Variants in IL13RA1 observed in about 807,000 individuals in gnomAD.
IL13RA1 encodes the protein interleukin 13 receptor subunit alpha 1, also known as interleukin-13 receptor subunit alpha-1.
In IL13RA1, 14 loss-of-function variants were observed where a neutral mutation model predicts 33.8. The observed-to-expected ratio is 0.41, with a 90% CI of 0.27 to 0.65. The LOEUF (loss-of-function observed/expected upper bound fraction) is 0.65. Among genes scored for constraint, IL13RA1 ranks in the 30% least tolerant of loss-of-function variants. IL13RA1 has a pLI of 0.28. For synonymous variants in IL13RA1, 116 were observed against 115.7 expected (o/e 1.00, Z -0.02); for missense variants, 313 against 327.0 (o/e 0.96, Z 0.33).
intron 10 of IL13RA1, among the ~76,000 whole-genome samples, chrX:118,781,221 C>T (rs911318713): frequency 6.3e-5 from 7 of 111,469 alleles, no homozygotes; most frequent in African/African-American, 2.3e-4. Flanking sequence ...TCTGTCCTCC[C>T]CCTGCTTCTT....
chrX:118,753,056 C>T (rs963032383), intron 4 of IL13RA1, among the ~76,000 whole-genome samples: 3 of 111,563 alleles, frequency 2.7e-5, no homozygotes, highest in African/African-American at 9.8e-5. Flanking sequence ...CAGGGAAAAC[C>T]TTTAAAGAAT....
downstream of IL13RA1, among the ~76,000 whole-genome samples, chrX:118,795,167 A>C (rs773600593): frequency 9.8e-6 from 1 of 101,908 alleles, no homozygotes; most frequent in African/African-American, 3.7e-5. Flanking sequence ...AGCTTGCAGC[A>C]TGCCACTGCA....
chrX:118,798,624 C>A (rs2018045272), downstream of IL13RA1, among the ~76,000 whole-genome samples: 1 of 112,586 alleles, frequency 8.9e-6, no homozygotes, highest in African/African-American at 3.2e-5. Flanking sequence ...CTTCTGTTTC[C>A]TGCATTCCCA....
In IL13RA1 at chrX:118,766,885, T is replaced by C; in HGVS notation, c.918T>C (p.Thr306=). Residue 306 remains threonine (T), a synonymous_variant, in exon 8 of 11, where the codon ACT becomes ACC. Transcript: ENST00000371666. ...TGGTCCCTGGTGTTCTTCCTGATACTTTGAACACAGTCAGAATAAGAGTCA... is the reference window on the plus strand; with the variant it reads ...TGGTCCCTGGTGTTCTTCCTGATACCTTGAACACAGTCAGAATAAGAGTCA... The part of the protein sequence containing the change: ...CFMVPGVLPD[T]LNTVRIRVKT... 2.8e-6 allele frequency: 3 copies of C among 1,086,813 alleles called. No homozygotes were observed. Among genetic ancestry groups the C allele is most frequent in the Non-Finnish European group, 3.8e-6 (3 of 785,239 alleles). The allele number at this position is 1,086,813 out of a possible 1,213,427, so 89.6% of individuals were successfully genotyped here. A position where few individuals can be genotyped will look rare whatever the true frequency, so the allele number is the denominator to read the frequency against.
At chrX:118,766,664 A>G (rs955134683) in intron 7 of IL13RA1, 87 bp downstream of exon 7, 61 of 631,927 alleles carry the variant, frequency 9.7e-5, no homozygotes, top group Non-Finnish European at 1.5e-4. Flanking sequence ...GCTTTGAGAA[A>G]AACAAATTAC....
At chrX:118,766,807 G>T (rs758345221) in intron 7 of IL13RA1, 37 bp from the exon 8 acceptor site, 1 of 804,988 alleles carries the variant, frequency 1.2e-6, no homozygotes, top group Non-Finnish European at 1.8e-6. Flanking sequence ...AGAATAAACT[G>T]GTAATATTCC....
intron 10 of IL13RA1, among the ~76,000 whole-genome samples, chrX:118,777,771 G>T (rs1387864138): frequency 2.7e-5 from 3 of 111,627 alleles, no homozygotes; most frequent in Non-Finnish European, 5.7e-5. Context: ...AGGGTTTGAG[G>T]CTTCTAACTT....
intron 10 of IL13RA1, among the ~76,000 whole-genome samples, chrX:118,790,051 T>C (rs1317411494): frequency 8.9e-6 from 1 of 112,282 alleles, no homozygotes; most frequent in Non-Finnish European, 1.9e-5. Flanking sequence ...GTTAGAAGAA[T>C]GTTAGCAAAT....
intron 9 of IL13RA1, 62 bp from the exon 10 acceptor site, chrX:118,776,365 A>G (rs1392980578): frequency 2.0e-6 from 1 of 506,489 alleles, no homozygotes; most frequent in African/African-American, 2.4e-5. Flanking sequence ...ATATGGTGGT[A>G]TTTATGTGGG....
chrX:118,777,782 T>C (rs916164552), intron 10 of IL13RA1, among the ~76,000 whole-genome samples: 6 of 111,945 alleles, frequency 5.4e-5, no homozygotes, highest in African/African-American at 9.7e-5. Context: ...CTTCTAACTT[T>C]AGTTGGATTT....
intron 4 of IL13RA1, among the ~76,000 whole-genome samples, chrX:118,757,513 A>G (rs1482508879): frequency 1.2e-5 from 1 of 81,829 alleles, no homozygotes; most frequent in Non-Finnish European, 2.2e-5. Context: ...AGACAGAGTG[A>G]GACTCTGTCT....
chrX:118,784,781 C>G (rs1196648435), intron 10 of IL13RA1, among the ~76,000 whole-genome samples: 1 of 111,900 alleles, frequency 8.9e-6, no homozygotes, highest in Non-Finnish European at 1.9e-5. Context: ...ATATAAAATC[C>G]ATGGCTCATA....
rs760024863 is a variant in IL13RA1, at chrX:118,758,117, G to A, written c.551G>A (p.Gly184Asp). 169 of 1,168,277 alleles carry A rather than the reference G, an allele frequency of 1.4e-4. No individual in the cohort carries two copies. Among genetic ancestry groups the A allele is most frequent in the Non-Finnish European group, 1.6e-4 (140 of 859,986 alleles). The change falls in exon 5 of 11, where the codon GGT (glycine) becomes GAT (aspartate). Residue 184 changes from glycine to aspartate, a missense_variant. By Grantham distance (94) the Gly-to-Asp change is moderately conservative. Coordinates refer to ENST00000371666, the MANE Select transcript of IL13RA1 (RefSeq NM_001560.3). ...ATCTTTAGAGAAGGCCAATACTTTG[G>A]TTGTTCCTTTGATCTGACCAAAGTG... ...ENIFREGQYF[G>D]CSFDLTKVKD...
In IL13RA1 at chrX:118,749,552, G is replaced by A. The variant is rs2017447581; in HGVS notation, c.368-106G>A. 5 of 785,486 alleles carry A rather than the reference G, an allele frequency of 6.4e-6. No homozygotes were observed. In the African/African-American group the frequency reaches 8.1e-5, roughly 13 times the overall value. The allele number at this position is 785,486 out of a possible 1,213,427, so 64.7% of individuals were successfully genotyped here. On this transcript the variant is annotated intron_variant, in intron 3 of 10. Transcript: ENST00000371666. ...GTGAGAGATGAAGCATTTGCTTTCTGACAAAGCAGCATGAAGCACTCTCAT... is the reference window on the plus strand; with the variant it reads ...GTGAGAGATGAAGCATTTGCTTTCTAACAAAGCAGCATGAAGCACTCTCAT...
intron 8 of IL13RA1, among the ~76,000 whole-genome samples, chrX:118,772,360 G>A (rs2017732559): frequency 8.9e-6 from 1 of 112,421 alleles, no homozygotes; most frequent in African/African-American, 3.2e-5. Flanking sequence ...TTTCCAATGA[G>A]ATACATTTGT....
intron 4 of IL13RA1, among the ~76,000 whole-genome samples, chrX:118,756,138 T>C (rs112477055): frequency 3.7e-4 from 41 of 111,218 alleles, no homozygotes; most frequent in African/African-American, 1.2e-3. Context: ...ACCTGCATTT[T>C]AAAGTAGTAC....
At chrX:118,790,657 T>G (rs1334615810) in intron 10 of IL13RA1, among the ~76,000 whole-genome samples, 1 of 111,872 alleles carries the variant, frequency 8.9e-6, no homozygotes, top group East Asian at 2.8e-4. Flanking sequence ...ATTGTCGGTA[T>G]TTTTAATTTT....
chrX:118,738,555 AT>A (rs1255091351), intron 1 of IL13RA1, among the ~76,000 whole-genome samples: 1 of 111,731 alleles, frequency 9.0e-6, no homozygotes, highest in Non-Finnish European at 1.9e-5. Flanking sequence ...GCATGGTTTC[AT>A]TCTTTTTATG....
In IL13RA1 at chrX:118,741,207, A is replaced by G. The variant is rs773101254; in HGVS notation, c.228+51A>G. On this transcript the variant is annotated intron_variant, in intron 2 of 10. Coordinates refer to ENST00000371666, the MANE Select transcript of IL13RA1 (RefSeq NM_001560.3). ...TGATGAGGTAAAGTGAACACTATGA[A>G]TTGGAGCCAAGAATAAGCCAAATTC... 6.0e-6 allele frequency: 5 copies of G among 837,543 alleles called. No homozygotes were observed. In the South Asian group the frequency reaches 1.1e-4, roughly 19 times the overall value. The allele number at this position is 837,543 out of a possible 1,213,427, so 69.0% of individuals were successfully genotyped here.
Sources: gnomAD v4.1 joint callset for allele counts (sites outside exome capture counted in the v4.1 genomes callset) on GRCh38, gnomAD v4.1.1 for gene constraint, MANE v1.5 for transcripts, NCBI Gene and HGNC (gene_info 2026-07-23, HGNC 2026-07-21) for gene names.